SLC9A4: variants seen among roughly 807,000 people sequenced by gnomAD.
The protein encoded by SLC9A4 is sodium/hydrogen exchanger 4.
SLC9A4 carries 63 observed loss-of-function variants against 67.4 expected under a neutral mutation model. That is an observed-to-expected ratio of 0.93 (90% CI 0.76 to 1.15). The LOEUF (loss-of-function observed/expected upper bound fraction) is 1.15, where lower values mean the gene tolerates loss of function less well. SLC9A4 is among the 50% of genes most tolerant of loss of function. The pLI is 0.00. For synonymous variants in SLC9A4, 393 were observed against 367.2 expected (o/e 1.07, Z -0.80); for missense variants, 1,089 against 987.7 (o/e 1.10, Z -1.38).
Position 102,503,500 on chromosome 2 carries a change from T to C in SLC9A4, c.773T>C (p.Ile258Thr), listed in dbSNP as rs934201301. 4.3e-6 allele frequency: 7 copies of C among 1,614,126 alleles called. No individual in the cohort carries two copies. The highest frequency in any genetic ancestry group is 1.7e-5 in the Admixed American group (1 of 60,016). The change falls in exon 3 of 12, where the codon ATA becomes ACA. Residue 258 changes from isoleucine to threonine, a missense_variant. Ile to Thr is a moderately conservative substitution (Grantham distance 89). Coordinates refer to ENST00000295269, the MANE Select transcript of SLC9A4 (RefSeq NM_001011552.4). ...ACAAAGATGCATAAATTTGAAGACATAGAAACTGTCGACATTTTGGCTGGA... is the reference window on the plus strand; with the variant it reads ...ACAAAGATGCATAAATTTGAAGACACAGAAACTGTCGACATTTTGGCTGGA... ...AFTKMHKFEDIETVDILAGCA... is the reference protein window; with the variant it reads ...AFTKMHKFEDTETVDILAGCA...
intron 1 of SLC9A4, 116 bp from the exon 2 acceptor site, chr2:102,478,723 G>A: frequency 1.0e-6 from 1 of 1,000,540 alleles, no homozygotes; most frequent in South Asian, 1.6e-5. Flanking sequence ...ATGGGACGCT[G>A]AGGCTGAGAT....
At position 102,532,570 on chromosome 2, in the gene SLC9A4, C is replaced by T; in HGVS notation, c.2279C>T (p.Ser760Phe). 6.2e-7 allele frequency: 1 copy of T among 1,613,926 alleles called. No homozygotes were observed. The highest frequency in any genetic ancestry group is 8.5e-7 in the Non-Finnish European group (1 of 1,179,940). Reference sequence around the variant, plus strand: ...CATGCAGTGGATGAGGAGGGTGAGTCTGGAGGGGAGAGTGAGGGCAAGGCC... The same window carrying T: ...CATGCAGTGGATGAGGAGGGTGAGTTTGGAGGGGAGAGTGAGGGCAAGGCC... ...LFHAVDEEGESGGESEGKASL... is the reference protein window; with the variant it reads ...LFHAVDEEGEFGGESEGKASL... Residue 760 changes from serine (S) to phenylalanine (F), a missense_variant, in exon 12 of 12, where the codon TCT becomes TTT. Transcript: ENST00000295269.
chr2:102,525,026 C>T lies in SLC9A4; in HGVS notation c.1821C>T (p.Thr607=), dbSNP rs146797791. ...TSNMYQVRQR[T]LSYNKYNLKP... is the part of the protein sequence containing the mutation. ...TTGACATTCCATTTTCTCTGCAGACCCTGTCCTACAACAAATACAACCTCA... is the reference window on the plus strand; with the variant it reads ...TTGACATTCCATTTTCTCTGCAGACTCTGTCCTACAACAAATACAACCTCA... Residue 607 remains threonine (T), a splice_region_variant and synonymous_variant, in exon 10 of 12, where the codon ACC becomes ACT. Coordinates refer to ENST00000295269, the MANE Select transcript of SLC9A4 (RefSeq NM_001011552.4). The T allele has an allele frequency of 7.1e-5, 115 of 1,613,844 alleles. No homozygotes were observed. The East Asian group carries it at 2.0e-3, about 28-fold the overall frequency.
At chr2:102,509,116 T>A (rs1306687144) in intron 6 of SLC9A4, among the ~76,000 whole-genome samples, 183 bp downstream of exon 6, 1 of 152,176 alleles carries the variant, frequency 6.6e-6, no homozygotes, top group Non-Finnish European at 1.5e-5. Context: ...ACAATGCAGA[T>A]CTATTGTCTT....
chr2:102,492,139 C>A (rs909883643), intron 2 of SLC9A4, among the ~76,000 whole-genome samples: 2 of 152,232 alleles, frequency 1.3e-5, no homozygotes. Context: ...TCCCCCACCA[C>A]CCCAGCTGCT....
intron 4 of SLC9A4, among the ~76,000 whole-genome samples, chr2:102,506,842 A>G (rs13019784): frequency 0.75 from 114,194 of 151,948 alleles, 43,297 homozygotes; most frequent in Middle Eastern, 0.8. Context: ...GCTCAACCCC[A>G]TACTCTTACA....
chr2:102,530,098 A>T (rs1674748662), intron 11 of SLC9A4, among the ~76,000 whole-genome samples: 1 of 152,206 alleles, frequency 6.6e-6, no homozygotes, highest in Non-Finnish European at 1.5e-5. Flanking sequence ...GGTCAATTTT[A>T]TGTTACGTAT....
At chr2:102,512,730 C>T (rs571785289) in intron 7 of SLC9A4, among the ~76,000 whole-genome samples, 1 of 152,200 alleles carries the variant, frequency 6.6e-6, no homozygotes, top group South Asian at 2.1e-4. Context: ...TTTTAAAATG[C>T]CCAAATCCCT....
rs1156355119 is a variant in SLC9A4, at chr2:102,508,107, C to G, written c.1227C>G (p.Asn409Lys). ...TATTTGCTCTCTTCTATATCAGTAA[C>G]CAGTTTCGGACTTTCCCCTTCTCCA... ...ISVFALFYISNQFRTFPFSIK... is the reference protein window; with the variant it reads ...ISVFALFYISKQFRTFPFSIK... Residue 409 changes from asparagine to lysine, a missense_variant, in exon 5 of 12, where the codon AAC becomes AAG. Asn to Lys is a moderately conservative substitution (Grantham distance 94). Transcript: ENST00000295269. The G allele has an allele frequency of 6.2e-7, 1 of 1,614,154 alleles. No homozygotes were observed. The highest frequency in any genetic ancestry group is 2.2e-5 in the East Asian group (1 of 44,874).
intron 9 of SLC9A4, among the ~76,000 whole-genome samples, chr2:102,521,811 C>T (rs1377962807): frequency 1.3e-5 from 2 of 152,224 alleles, no homozygotes; most frequent in Non-Finnish European, 2.9e-5. Flanking sequence ...GGGCATTTCT[C>T]ATTGTTCACA....
Position 102,508,155 on chromosome 2 carries a change from C to A in SLC9A4, c.1275C>A (p.Phe425Leu). The A allele has an allele frequency of 6.2e-7, 1 of 1,614,188 alleles. No individual in the cohort carries two copies. The highest frequency in any genetic ancestry group is 8.5e-7 in the Non-Finnish European group (1 of 1,180,032). ...PFSIKDQCII[F>L]YSGVRGAGSF... is the part of the protein sequence containing the mutation. ...CCATCAAGGACCAGTGCATCATTTT[C>A]TACAGTGGTGTTCGAGGAGCTGGAA... is the stretch of plus-strand genomic sequence containing the variant. Residue 425 changes from phenylalanine (F) to leucine (L), a missense_variant, in exon 5 of 12, where the codon TTC becomes TTA. Transcript: ENST00000295269.
chr2:102,523,390 A>G (rs57942521), intron 9 of SLC9A4, among the ~76,000 whole-genome samples: 24,457 of 152,090 alleles, frequency 0.16, 2,442 homozygotes, highest in African/African-American at 0.27. Flanking sequence ...ATATACTGAA[A>G]CACAAACAAT....
chr2:102,502,689 G>A (rs376332802), intron 2 of SLC9A4, among the ~76,000 whole-genome samples: 192 of 152,300 alleles, frequency 1.3e-3, no homozygotes, highest in African/African-American at 4.4e-3. Context: ...ACCACCCTCC[G>A]GAAGGCAGGC....
intron 2 of SLC9A4, among the ~76,000 whole-genome samples, chr2:102,501,244 C>T (rs1466626616): frequency 6.6e-6 from 1 of 151,984 alleles, no homozygotes; most frequent in Non-Finnish European, 1.5e-5. Context: ...GCCTCAGTCT[C>T]CTAAGTAGCT....
chr2:102,527,857 CAA>C lies in SLC9A4; in HGVS notation c.2038+1512_2038+1513del, dbSNP rs546712471. On this transcript the variant is annotated intron_variant, in intron 11 of 11. Transcript: ENST00000295269. ...TTGAACATCTTTCACATTTTGGAAA[CAA>C]TGATATTTCTTGGGGTGAAGTTTTC... Among the ~76,000 whole-genome samples, 5 of 152,198 alleles carry C rather than the reference CAA, an allele frequency of 3.3e-5. No individual in the cohort carries two copies. In the East Asian group the frequency reaches 7.7e-4, roughly 24 times the overall value.
intron 2 of SLC9A4, among the ~76,000 whole-genome samples, chr2:102,487,973 T>G (rs1032295178): frequency 6.6e-6 from 1 of 152,230 alleles, no homozygotes; most frequent in Admixed American, 6.5e-5. Context: ...TATGAACACA[T>G]GACTTATTTC....
chr2:102,517,824 C>T (rs1685305798), intron 8 of SLC9A4, among the ~76,000 whole-genome samples: 1 of 152,078 alleles, frequency 6.6e-6, no homozygotes, highest in South Asian at 2.1e-4. Flanking sequence ...GAAATTATTG[C>T]AGAACTTTTA....
At chr2:102,520,076 G>A (rs1446931493) in intron 9 of SLC9A4, 121 bp downstream of exon 9, 4 of 711,676 alleles carry the variant, frequency 5.6e-6, no homozygotes, top group Non-Finnish European at 9.1e-6. Context: ...GTGGTAACTT[G>A]CTGAATATTT....
At chr2:102,489,385 T>C (rs1684653194) in intron 2 of SLC9A4, among the ~76,000 whole-genome samples, 1 of 152,168 alleles carries the variant, frequency 6.6e-6, no homozygotes, top group Non-Finnish European at 1.5e-5. Flanking sequence ...GTTCGGTAGT[T>C]ATAGAAATGA....
Sources: allele counts gnomAD v4.1 joint callset (sites outside exome capture counted in the v4.1 genomes callset), GRCh38; gene constraint gnomAD v4.1.1; transcripts MANE v1.5; gene names NCBI Gene and HGNC (gene_info 2026-07-23, HGNC 2026-07-21).